EVI5: variants seen among roughly 807,000 people sequenced by gnomAD.
EVI5 encodes ecotropic viral integration site 5 protein homolog.
Under a neutral mutation model 112.0 loss-of-function variants are expected in EVI5, and 73 were observed. That is an observed-to-expected ratio of 0.65 (90% CI 0.54 to 0.79). The LOEUF is 0.79. EVI5 is among the 30% of genes least tolerant of loss of function. The pLI is 0.00. For missense variants in EVI5, 900 were observed against 968.8 expected, an observed-to-expected ratio of 0.93 and a Z score of 0.94; for synonymous variants, 305 against 319.9, an observed-to-expected ratio of 0.95 and a Z score of 0.50.
intron 14 of EVI5, among the ~76,000 whole-genome samples, chr1:92,626,159 T>C (rs1469715062): frequency 6.6e-6 from 1 of 152,180 alleles, no homozygotes; most frequent in East Asian, 1.9e-4. Context: ...AATTTCAGAA[T>C]ATTTTTATCA....
Position 92,764,841 on chromosome 1 carries a change from A to T in EVI5, c.-82+19995T>A, listed in dbSNP as rs148625101. On this transcript the variant is annotated intron_variant, in intron 1 of 19. Transcript: ENST00000684568. ...ACAAATTACAATTTATTTGTTACAA[A>T]TAACGAAAATTACCATGGTCTGTGT... 1.9e-3 allele frequency among the ~76,000 whole-genome samples: 283 copies of T among 152,308 alleles called. 1 individual carries two copies. The highest frequency in any genetic ancestry group is 6.6e-3 in the African/African-American group (276 of 41,562).
At chr1:92,770,573 G>A (rs865848432) in intron 1 of EVI5, among the ~76,000 whole-genome samples, 8 of 152,004 alleles carry the variant, frequency 5.3e-5, no homozygotes, top group Non-Finnish European at 7.4e-5. Flanking sequence ...GGCTGATCAC[G>A]AGGTCAGGAG....
At chr1:92,657,477 A>T (rs1488093059) in intron 13 of EVI5, among the ~76,000 whole-genome samples, 2 of 152,112 alleles carry the variant, frequency 1.3e-5, no homozygotes, top group Admixed American at 6.5e-5. Context: ...AGCCTGGGTA[A>T]CATGGCGAAA....
chr1:92,782,709 G>A (rs554912030), intron 1 of EVI5, among the ~76,000 whole-genome samples: 2 of 152,242 alleles, frequency 1.3e-5, no homozygotes, highest in African/African-American at 2.4e-5. Context: ...TATCACCCAC[G>A]TACCTATAAA....
At chr1:92,779,739 A>G (rs1370948953) in intron 1 of EVI5, among the ~76,000 whole-genome samples, 2 of 152,118 alleles carry the variant, frequency 1.3e-5, no homozygotes, top group African/African-American at 4.8e-5. Context: ...AAAGTGATAT[A>G]AAAATTTTTT....
In EVI5 at chr1:92,710,086, C is replaced by CAAAA. The variant is rs71091297; in HGVS notation, c.150-5346_150-5343dup. ...TGCCTTACATGGATTTATTGCAAAGCAAAAAAAAAAAAAAGGGAGGCCGAG... is the reference window on the plus strand; with the variant it reads ...TGCCTTACATGGATTTATTGCAAAGCAAAAAAAAAAAAAAAAAAGGGAGGCCGAG... On this transcript the variant is annotated intron_variant, in intron 2 of 19. Coordinates refer to ENST00000684568, the MANE Select transcript of EVI5 (RefSeq NM_001350197.2). 4.8e-5 allele frequency among the ~76,000 whole-genome samples: 4 copies of CAAAA among 82,810 alleles called. 1 individual carries two copies. In the East Asian group the frequency reaches 1.4e-3, roughly 28 times the overall value. The allele number at this position is 82,810 out of a possible 152,430, so 54.3% of individuals were successfully genotyped here.
At chr1:92,515,517 C>A (rs571113950) in intron 19 of EVI5, among the ~76,000 whole-genome samples, 1 of 152,272 alleles carries the variant, frequency 6.6e-6, no homozygotes, top group Admixed American at 6.5e-5. Flanking sequence ...CATGAATTTT[C>A]TCCTACAATA....
intron 18 of EVI5, among the ~76,000 whole-genome samples, chr1:92,585,851 T>C (rs1672689672): frequency 6.7e-6 from 1 of 149,240 alleles, no homozygotes; most frequent in South Asian, 2.1e-4. Flanking sequence ...TTTTTTAACC[T>C]GTTTTTTTTT....
At chr1:92,681,808 T>C (rs1311315226) in intron 9 of EVI5, among the ~76,000 whole-genome samples, 1 of 152,170 alleles carries the variant, frequency 6.6e-6, no homozygotes, top group Non-Finnish European at 1.5e-5. Flanking sequence ...ACTTGAAATA[T>C]AACTGATGAA....
At chr1:92,561,034 T>G (rs1174263864) in intron 19 of EVI5, among the ~76,000 whole-genome samples, 1 of 152,212 alleles carries the variant, frequency 6.6e-6, no homozygotes, top group Non-Finnish European at 1.5e-5. Context: ...GATGTGGCTC[T>G]TCTAGCTAAT....
Position 92,662,850 on chromosome 1 carries a change from C to A in EVI5, c.1261G>T (p.Ala421Ser). 7.8e-7 allele frequency: 1 copy of A among 1,286,764 alleles called. No homozygotes were observed. Among genetic ancestry groups the A allele is most frequent in the South Asian group, 1.2e-5 (1 of 80,532 alleles). The allele number at this position is 1,286,764 out of a possible 1,614,324, so 79.7% of individuals were successfully genotyped here. A position where few individuals can be genotyped will look rare whatever the true frequency, so the allele number is the denominator to read the frequency against. ...DRLIQGQVTR[A>S]QEAEENYLIK... ...AGGTAGTTTTCCTCAGCCTCCTGGG[C>A]TCTTGTCACTTGTCCCTTAGGACAT... The change falls in exon 13 of 20, where the codon GCC becomes TCC. Residue 421 changes from alanine (A) to serine (S), a missense_variant. By Grantham distance (99) the Ala-to-Ser change is moderately conservative. Transcript: ENST00000684568.
chr1:92,758,761 CAGAG>C (rs1277883483), intron 1 of EVI5, among the ~76,000 whole-genome samples: 2 of 151,148 alleles, frequency 1.3e-5, no homozygotes, highest in East Asian at 3.9e-4. Context: ...AATTTGGGGT[CAGAG>C]AGAGTTCTTT....
intron 9 of EVI5, among the ~76,000 whole-genome samples, chr1:92,692,105 G>A (rs577894685): frequency 1.3e-5 from 2 of 152,230 alleles, no homozygotes; most frequent in East Asian, 3.9e-4. Context: ...ATCAGAAGAA[G>A]GCTTTTAAAC....
chr1:92,699,346 T>C (rs1471597242), intron 5 of EVI5, among the ~76,000 whole-genome samples: 1 of 152,168 alleles, frequency 6.6e-6, no homozygotes, highest in Non-Finnish European at 1.5e-5. Flanking sequence ...CCTAAATCTT[T>C]TCCACAGCAT....
intron 16 of EVI5, chr1:92,622,476 G>A (rs1442130602): frequency 2.6e-5 from 5 of 190,006 alleles, no homozygotes; most frequent in Middle Eastern, 1.0e-3. Flanking sequence ...GCAAAAAGGA[G>A]AGTGGATCAA....
intron 16 of EVI5, among the ~76,000 whole-genome samples, chr1:92,612,455 T>C (rs375250433): frequency 6.6e-6 from 1 of 152,062 alleles, no homozygotes; most frequent in African/African-American, 2.4e-5. Context: ...ATGCCTGTAA[T>C]CCCAGTACTT....
At chr1:92,742,421 C>G (rs558319326) in intron 1 of EVI5, among the ~76,000 whole-genome samples, 1 of 152,034 alleles carries the variant, frequency 6.6e-6, no homozygotes, top group South Asian at 2.1e-4. Flanking sequence ...GCCTGTAATC[C>G]CAGCACTTCG....
chr1:92,679,197 T>C (rs2102336829), intron 9 of EVI5, among the ~76,000 whole-genome samples: 1 of 152,254 alleles, frequency 6.6e-6, no homozygotes, highest in Non-Finnish European at 1.5e-5. Flanking sequence ...TCATGACTGA[T>C]GATCTGACAT....
chr1:92,516,874 C>T (rs1454925347), intron 19 of EVI5, among the ~76,000 whole-genome samples: 1 of 102,460 alleles, frequency 9.8e-6, no homozygotes, highest in Non-Finnish European at 1.9e-5. Context: ...TTCCAACTCT[C>T]CCTTTCCTCC....
Sources: gnomAD v4.1 joint callset for allele counts (sites outside exome capture counted in the v4.1 genomes callset) on GRCh38, gnomAD v4.1.1 for gene constraint, MANE v1.5 for transcripts, NCBI Gene and HGNC (gene_info 2026-07-23, HGNC 2026-07-21) for gene names.